Variants in G3BP2 observed in about 807,000 individuals in gnomAD.
The protein encoded by G3BP2 is G3BP stress granule assembly factor 2.
Under a neutral mutation model 56.7 loss-of-function variants are expected in G3BP2, and 11 were observed. The observed-to-expected ratio is 0.19, with a 90% confidence interval of 0.12 to 0.32. The LOEUF is 0.32. G3BP2 is among the 10% of genes least tolerant of loss of function. The pLI, the probability that G3BP2 is intolerant of heterozygous loss-of-function variation, is 1.00. For missense variants in G3BP2, 340 were observed against 610.9 expected (o/e 0.56, Z 4.67); for synonymous variants, 165 against 191.6 (o/e 0.86, Z 1.15).
chr4:75,687,891 G>C (rs966342933), intron 3 of G3BP2, among the ~76,000 whole-genome samples: 11 of 152,210 alleles, frequency 7.2e-5, no homozygotes, highest in Non-Finnish European at 1.2e-4. Context: ...TGAGTTTTGT[G>C]TTAAATGAAG....
intron 8 of G3BP2, 114 bp from the exon 9 acceptor site, chr4:75,648,855 GTTT>G: frequency 3.2e-6 from 2 of 616,428 alleles, no homozygotes; most frequent in South Asian, 3.9e-5. Flanking sequence ...AGTTTAGAAT[GTTT>G]TTAACATAGT....
chr4:75,695,369 G>A (rs1719060778), intron 3 of G3BP2, among the ~76,000 whole-genome samples: 1 of 152,198 alleles, frequency 6.6e-6, no homozygotes, highest in Non-Finnish European at 1.5e-5. Context: ...CACTGGGCAG[G>A]TCTGTGCCTG....
intron 3 of G3BP2, among the ~76,000 whole-genome samples, chr4:75,709,518 A>G (rs565044355): frequency 6.6e-6 from 1 of 151,106 alleles, no homozygotes; most frequent in South Asian, 2.1e-4. Flanking sequence ...AGGCTGAGGT[A>G]CAACGATTGC....
At chr4:75,656,398 A>C (rs1262207163) in intron 5 of G3BP2, among the ~76,000 whole-genome samples, 1 of 152,134 alleles carries the variant, frequency 6.6e-6, no homozygotes, top group Non-Finnish European at 1.5e-5. Flanking sequence ...ACTCTATTAG[A>C]AAAAAACAAA....
At chr4:75,705,648 G>A (rs904136574) in intron 3 of G3BP2, among the ~76,000 whole-genome samples, 10 of 152,114 alleles carry the variant, frequency 6.6e-5, no homozygotes, top group Non-Finnish European at 1.2e-4. Flanking sequence ...GAGGGACAAA[G>A]GCATCAGGGC....
At chr4:75,652,072 C>T (rs1173961556) in intron 8 of G3BP2, among the ~76,000 whole-genome samples, 2 of 152,112 alleles carry the variant, frequency 1.3e-5, no homozygotes, top group African/African-American at 2.4e-5. Flanking sequence ...AGCCTAAAGA[C>T]ATTAGAACGT....
At chr4:75,712,512 C>G (rs1719796698) in intron 3 of G3BP2, among the ~76,000 whole-genome samples, 3 of 152,094 alleles carry the variant, frequency 2.0e-5, no homozygotes, top group Admixed American at 6.6e-5. Context: ...TTACAACTGA[C>G]AAGAGGAAAG....
chr4:75,661,313 A>G (rs1732532823), intron 2 of G3BP2, among the ~76,000 whole-genome samples: 1 of 152,068 alleles, frequency 6.6e-6, no homozygotes, highest in African/African-American at 2.4e-5. Flanking sequence ...TTTTTAGCAG[A>G]GACGAGGCTT....
chr4:75,717,001 A>G (rs1341199568), intron 3 of G3BP2, among the ~76,000 whole-genome samples: 4 of 152,026 alleles, frequency 2.6e-5, no homozygotes, highest in Non-Finnish European at 4.4e-5. Flanking sequence ...TCCACACCCA[A>G]CTACCTCTCC....
At chr4:75,658,991 G>T (rs901477064) in intron 2 of G3BP2, 67 bp from the exon 3 acceptor site, 3 of 1,204,140 alleles carry the variant, frequency 2.5e-6, no homozygotes, top group Non-Finnish European at 3.7e-6. Flanking sequence ...GAATTCTGGT[G>T]TCATAGACTA....
intron 1 of G3BP2, among the ~76,000 whole-genome samples, chr4:75,663,296 A>T (rs1732715770): frequency 6.6e-6 from 1 of 152,158 alleles, no homozygotes; most frequent in African/African-American, 2.4e-5. Flanking sequence ...TCGCTCTGTC[A>T]CCTAGGCTGG....
At chr4:75,714,442 C>T (rs1450808483) in intron 3 of G3BP2, among the ~76,000 whole-genome samples, 4 of 152,190 alleles carry the variant, frequency 2.6e-5, no homozygotes, top group African/African-American at 4.8e-5. Context: ...GCCTGGCCAA[C>T]ATGGCGAAAC....
intron 3 of G3BP2, among the ~76,000 whole-genome samples, chr4:75,702,418 C>T (rs1053423510): frequency 6.6e-6 from 1 of 152,208 alleles, no homozygotes; most frequent in Non-Finnish European, 1.5e-5. Context: ...GCTGGGATTA[C>T]AGGCGTGAGC....
At chr4:75,695,102 T>G (rs1719048368) in intron 3 of G3BP2, among the ~76,000 whole-genome samples, 1 of 152,190 alleles carries the variant, frequency 6.6e-6, no homozygotes, top group Admixed American at 6.5e-5. Context: ...AGGATTTGGT[T>G]GTCAGGGAAG....
intron 3 of G3BP2, among the ~76,000 whole-genome samples, chr4:75,691,819 C>A (rs1276562990): frequency 6.6e-6 from 1 of 152,118 alleles, no homozygotes; most frequent in African/African-American, 2.4e-5. Flanking sequence ...GAACCAAAGT[C>A]CAGACACATT....
chr4:75,655,659 A>AT, intron 6 of G3BP2, 109 bp downstream of exon 6: 1 of 667,242 alleles, frequency 1.5e-6, no homozygotes, highest in Non-Finnish European at 2.7e-6. Flanking sequence ...AAATACTGAC[A>AT]TAATAGGTGG....
At chr4:75,675,558 C>T (rs1324480118), upstream of G3BP2, among the ~76,000 whole-genome samples, 2 of 152,106 alleles carry the variant, frequency 1.3e-5, no homozygotes, top group African/African-American at 4.8e-5. Flanking sequence ...TTTGGAAGGC[C>T]GAGGGGGGCG....
At chr4:75,646,703 CT>C (rs35925605) in intron 10 of G3BP2, among the ~76,000 whole-genome samples, 25,606 of 152,158 alleles carry the variant, frequency 0.17, 2,219 homozygotes, top group South Asian at 0.34. Context: ...GTAAAGTTAA[CT>C]GCATAATTTT....
rs1329214749 is a variant in G3BP2 at position 75,642,978 on chromosome 4, T to C, written c.*2452A>G. 1 of 152,516 alleles carries C rather than the reference T, an allele frequency of 6.6e-6. No individual in the cohort carries two copies. Among genetic ancestry groups the C allele is most frequent in the Non-Finnish European group, 1.5e-5 (1 of 67,982 alleles). 9.4% of individuals were successfully genotyped at this position (152,516 alleles called of 1,614,324 possible). On this transcript the variant is annotated 3_prime_UTR_variant, in exon 12 of 12. Coordinates refer to ENST00000359707, the MANE Select transcript of G3BP2 (RefSeq NM_203505.3). ...AGCCAAGATGGTAAAGCCAATTTGGTTGCAATAGTGTCATAAGGATAGAAT... is the reference window on the plus strand; with the variant it reads ...AGCCAAGATGGTAAAGCCAATTTGGCTGCAATAGTGTCATAAGGATAGAAT...
Sources: allele counts gnomAD v4.1 joint callset (sites outside exome capture counted in the v4.1 genomes callset), GRCh38; gene constraint gnomAD v4.1.1; transcripts MANE v1.5; gene names NCBI Gene and HGNC (gene_info 2026-07-23, HGNC 2026-07-21).